NFXL1: variants seen among roughly 807,000 people sequenced by gnomAD.
The protein encoded by NFXL1 is NF-X1-type zinc finger protein NFXL1.
A neutral mutation model predicts 123.3 loss-of-function variants in NFXL1; 66 were observed. The ratio of observed to expected loss-of-function variants is 0.54; its 90% CI spans 0.44 to 0.66. NFXL1 has a LOEUF of 0.66. Among genes scored for constraint, NFXL1 ranks in the 30% least tolerant of loss-of-function variants. The pLI is 0.00. For missense variants in NFXL1, 944 were observed against 1,125.6 expected, an observed-to-expected ratio of 0.84 and a Z score of 2.31; for synonymous variants, 346 against 360.8, an observed-to-expected ratio of 0.96 and a Z score of 0.46.
At chr4:47,905,413 G>C (rs1029858087) in intron 3 of NFXL1, 67 bp from the exon 4 acceptor site, 5 of 749,552 alleles carry the variant, frequency 6.7e-6, no homozygotes, top group Non-Finnish European at 1.2e-5. Context: ...CTCACTAATA[G>C]CACCATATTA....
chr4:47,848,130 A>T lies in NFXL1; in HGVS notation c.*33T>A. The T allele has an allele frequency of 7.2e-7, 1 of 1,397,594 alleles. No homozygotes were observed. The highest frequency in any genetic ancestry group is 9.8e-7 in the Non-Finnish European group (1 of 1,018,894). 86.6% of individuals were successfully genotyped at this position (1,397,594 alleles called of 1,614,324 possible). On this transcript the variant is annotated 3_prime_UTR_variant, in exon 23 of 23. Coordinates refer to ENST00000507489, the MANE Select transcript of NFXL1 (RefSeq NM_001278624.2). ...CAAATTTAACAACTTATCTAAATCC[A>T]ATCTGAGTTACATTAAAAGATCAAA...
In NFXL1 at chr4:47,898,745, A is replaced by T. The variant is rs1737232705; in HGVS notation, c.1089+12T>A. The T allele has an allele frequency of 6.6e-7, 1 of 1,515,734 alleles. No individual in the cohort carries two copies. The highest frequency in any genetic ancestry group is 9.2e-7 in the Non-Finnish European group (1 of 1,090,462). 93.9% of individuals were successfully genotyped at this position (1,515,734 alleles called of 1,614,324 possible). A position where few individuals can be genotyped will look rare whatever the true frequency, so the allele number is the denominator to read the frequency against. On this transcript the variant is annotated intron_variant, in intron 8 of 22. Transcript: ENST00000507489. ...CTTTAATACCCACCCCTCAAAATGC[A>T]TATAAACTTACTTGATCACAGTGCC... is the stretch of plus-strand genomic sequence containing the variant.
intron 18 of NFXL1, among the ~76,000 whole-genome samples, chr4:47,863,136 A>G (rs1734856846): frequency 6.6e-6 from 1 of 152,210 alleles, no homozygotes; most frequent in Admixed American, 6.5e-5. Flanking sequence ...AAATGCCAAA[A>G]GTGTAATCGC....
intron 3 of NFXL1, among the ~76,000 whole-genome samples, chr4:47,910,443 A>G (rs1040893443): frequency 6.6e-6 from 1 of 152,040 alleles, no homozygotes; most frequent in Admixed American, 6.6e-5. Context: ...TAACATGATG[A>G]AAAAAAATGA....
intron 18 of NFXL1, among the ~76,000 whole-genome samples, chr4:47,872,053 A>T (rs1334782437): frequency 1.3e-5 from 2 of 152,184 alleles, no homozygotes; most frequent in Non-Finnish European, 2.9e-5. Context: ...ATAAGCAAAA[A>T]CTGGCATTTT....
In NFXL1 at chr4:47,875,242, G is replaced by A. The variant is rs1464263825; in HGVS notation, c.2131C>T (p.Leu711=). ...CEEGCSKSRP[L]GCLHPCILRC... is the part of the protein sequence containing the mutation. The stretch of plus-strand genomic sequence containing the variant: ...AAAATACATGGGTGAAGACAACCTA[G>A]TGGCCGTGACTTGGAGCACCCTTCC... Residue 711 remains leucine (L), a synonymous_variant, in exon 18 of 23, where the codon CTA becomes TTA. Transcript: ENST00000507489. The A allele has an allele frequency of 6.2e-7, 1 of 1,613,488 alleles. No individual in the cohort carries two copies. Among genetic ancestry groups the A allele is most frequent in the Non-Finnish European group, 8.5e-7 (1 of 1,179,614 alleles).
At chr4:47,854,442 A>G (rs1356173608) in intron 20 of NFXL1, among the ~76,000 whole-genome samples, 5 of 152,132 alleles carry the variant, frequency 3.3e-5, no homozygotes, top group Admixed American at 2.6e-4. Context: ...TTAGGACAGT[A>G]TATTTTCCTT....
intron 11 of NFXL1, among the ~76,000 whole-genome samples, chr4:47,892,688 A>C (rs375775250): frequency 9.2e-5 from 14 of 152,292 alleles, no homozygotes; most frequent in African/African-American, 3.4e-4. Context: ...AAAAATATCA[A>C]GCCTCTGAAA....
intron 15 of NFXL1, among the ~76,000 whole-genome samples, chr4:47,880,125 G>C (rs1735998481): frequency 6.6e-6 from 1 of 152,092 alleles, no homozygotes; most frequent in Non-Finnish European, 1.5e-5. Context: ...GCTGGGTGCA[G>C]TGGCTCACAC....
intron 13 of NFXL1, 42 bp downstream of exon 13, chr4:47,885,837 G>A: frequency 6.3e-7 from 1 of 1,579,956 alleles, no homozygotes; most frequent in Non-Finnish European, 8.6e-7. Context: ...ATTTAAATTT[G>A]TACAACATCA....
chr4:47,853,980 T>TACGG (rs1560578941), intron 20 of NFXL1, among the ~76,000 whole-genome samples: 1 of 152,094 alleles, frequency 6.6e-6, no homozygotes, highest in African/African-American at 2.4e-5. Flanking sequence ...GTGGGTGGCA[T>TACGG]ATGGCACTTG....
intron 3 of NFXL1, among the ~76,000 whole-genome samples, chr4:47,908,564 G>A (rs928054568): frequency 1.3e-5 from 2 of 152,128 alleles, no homozygotes; most frequent in Non-Finnish European, 2.9e-5. Flanking sequence ...TCTCATGAAA[G>A]CACAAGATAA....
rs1738007860 is a variant in NFXL1 at position 47,914,380 on chromosome 4, C to T, written c.-18G>A. 3.7e-6 allele frequency: 2 copies of T among 536,216 alleles called. No homozygotes were observed. Among genetic ancestry groups the T allele is most frequent in the Non-Finnish European group, 6.6e-6 (2 of 303,910 alleles). 33.2% of individuals were successfully genotyped at this position (536,216 alleles called of 1,614,324 possible). On this transcript the variant is annotated 5_prime_UTR_variant, in exon 1 of 23. Transcript: ENST00000507489. ...CTGCCTTTACCGGAGGGCGAGTCCC[C>T]GCCAAGCCCGGGCTTTGGAGATGGA...
chr4:47,874,449 A>G (rs1269555399), intron 18 of NFXL1, among the ~76,000 whole-genome samples: 2 of 152,234 alleles, frequency 1.3e-5, no homozygotes, highest in Admixed American at 1.3e-4. Context: ...GAAGAGGTAG[A>G]GAGATAGGGG....
intron 5 of NFXL1, 55 bp from the exon 6 acceptor site, chr4:47,899,603 G>A: frequency 8.9e-7 from 1 of 1,129,560 alleles, no homozygotes. Flanking sequence ...AGCAACATGA[G>A]AGACAGAAAT....
At chr4:47,898,707 T>C (rs1406991278) in intron 8 of NFXL1, 50 bp downstream of exon 8, 4 of 1,225,590 alleles carry the variant, frequency 3.3e-6, no homozygotes, top group African/African-American at 1.5e-5. Context: ...AGGTTGTCTA[T>C]GCTTTCTGTA....
In NFXL1 at chr4:47,869,291, A is replaced by G. The variant is rs559761409; in HGVS notation, c.2246+5836T>C. On this transcript the variant is annotated intron_variant, in intron 18 of 22. Coordinates refer to ENST00000507489, the MANE Select transcript of NFXL1 (RefSeq NM_001278624.2). ...GAAATTGTAATACAGCATTTTCAAT[A>G]TAAGACAAAGCTACTGTATTAAAAC... Among the ~76,000 whole-genome samples the G allele has an allele frequency of 7.2e-5, 11 of 152,318 alleles. 1 individual carries two copies. In the East Asian group the frequency reaches 7.7e-4, roughly 11 times the overall value.
intron 1 of NFXL1, 69 bp from the exon 2 acceptor site, chr4:47,914,274 G>C (rs1362918749): frequency 8.0e-7 from 1 of 1,250,498 alleles, no homozygotes; most frequent in Non-Finnish European, 1.1e-6. Flanking sequence ...GCGAAGGAGG[G>C]TCAGTGCGGA....
At chr4:47,911,918 T>C (rs1180997510) in intron 2 of NFXL1, among the ~76,000 whole-genome samples, 1 of 152,234 alleles carries the variant, frequency 6.6e-6, no homozygotes, top group Non-Finnish European at 1.5e-5. Context: ...TCTGAGTTCA[T>C]GAATTCCCAT....
Sources: allele counts gnomAD v4.1 joint callset (sites outside exome capture counted in the v4.1 genomes callset), GRCh38; gene constraint gnomAD v4.1.1; transcripts MANE v1.5; gene names NCBI Gene and HGNC (gene_info 2026-07-23, HGNC 2026-07-21).